TTC27: variants seen among roughly 807,000 people sequenced by gnomAD.
The protein encoded by TTC27 is tetratricopeptide repeat domain 27, also known as tetratricopeptide repeat protein 27.
A neutral mutation model predicts 115.9 loss-of-function variants in TTC27; 79 were observed. The observed-to-expected ratio is 0.68, with a 90% confidence interval of 0.57 to 0.82. TTC27 has a LOEUF of 0.82. Ranked by LOEUF, TTC27 falls within the 40% of genes least tolerant of loss-of-function variation. The pLI is 0.00. For synonymous variants in TTC27, 401 were observed against 356.0 expected (o/e 1.13, Z -1.42); for missense variants, 1,054 against 993.1 (o/e 1.06, Z -0.82).
intron 5 of TTC27, among the ~76,000 whole-genome samples, chr2:32,661,374 C>T (rs1224457040): frequency 6.6e-6 from 1 of 152,126 alleles, no homozygotes; most frequent in Non-Finnish European, 1.5e-5. Flanking sequence ...TGGCCATTTT[C>T]ACCATATTGA....
At position 32,736,677 on chromosome 2, in the gene TTC27, T is replaced by A; in HGVS notation, c.1330-17T>A. Reference sequence around the variant, plus strand: ...TTACACCAAGAAGTATTAATTATTTTTACTTGATTTTTCTAGCGCCAACTT... The same window carrying A: ...TTACACCAAGAAGTATTAATTATTTATACTTGATTTTTCTAGCGCCAACTT... On this transcript the variant is annotated splice_polypyrimidine_tract_variant and intron_variant, in intron 11 of 19. Coordinates refer to ENST00000317907, the MANE Select transcript of TTC27 (RefSeq NM_017735.5). The A allele has an allele frequency of 6.2e-7, 1 of 1,613,620 alleles. No homozygotes were observed. The highest frequency in any genetic ancestry group is 8.5e-7 in the Non-Finnish European group (1 of 1,179,732).
At chr2:32,650,723 A>C (rs1205851957) in intron 5 of TTC27, among the ~76,000 whole-genome samples, 1 of 152,208 alleles carries the variant, frequency 6.6e-6, no homozygotes, top group Non-Finnish European at 1.5e-5. Context: ...GATAGAAAAT[A>C]AGTTTCACTG....
chr2:32,731,092 T>G (rs1442509978), intron 10 of TTC27, among the ~76,000 whole-genome samples: 3 of 152,070 alleles, frequency 2.0e-5, no homozygotes, highest in Admixed American at 6.6e-5. Flanking sequence ...GTGTTTTTGT[T>G]CCTTTGTTTC....
rs115980723 is a variant in TTC27 at position 32,749,257 on chromosome 2, G to T, written c.1453-9035G>T. ...CTTAGAATTAGGTCAAATAAAGATAGTCTTGCAAGTGAGCTTTTCCAGGGA... is the reference window on the plus strand; with the variant it reads ...CTTAGAATTAGGTCAAATAAAGATATTCTTGCAAGTGAGCTTTTCCAGGGA... On this transcript the variant is annotated intron_variant, in intron 12 of 19. Transcript: ENST00000317907. Among the ~76,000 whole-genome samples, 677 of 152,270 alleles carry T rather than the reference G, an allele frequency of 4.4e-3. 6 individuals are homozygous for T. Among genetic ancestry groups the T allele is most frequent in the African/African-American group, 0.016 (648 of 41,544 alleles).
chr2:32,694,183 A>T (rs1309650270), intron 9 of TTC27, among the ~76,000 whole-genome samples: 1 of 152,242 alleles, frequency 6.6e-6, no homozygotes, highest in Non-Finnish European at 1.5e-5. Context: ...AGTATGAATT[A>T]TTGGAATAAA....
chr2:32,820,360 T>A (rs1228286626), intron 19 of TTC27, among the ~76,000 whole-genome samples: 1 of 152,250 alleles, frequency 6.6e-6, no homozygotes, highest in Non-Finnish European at 1.5e-5. Flanking sequence ...TTTGCTGGAC[T>A]TTTTTGCTAG....
chr2:32,766,244 G>A (rs1254787507), intron 13 of TTC27, among the ~76,000 whole-genome samples: 1 of 152,122 alleles, frequency 6.6e-6, no homozygotes, highest in Non-Finnish European at 1.5e-5. Context: ...GTTGTATTAT[G>A]ATCAAATCAG....
At chr2:32,770,367 G>T (rs1669785758) in intron 13 of TTC27, among the ~76,000 whole-genome samples, 1 of 152,180 alleles carries the variant, frequency 6.6e-6, no homozygotes, top group Non-Finnish European at 1.5e-5. Flanking sequence ...GATGGGGCTG[G>T]GATTTCAACC....
At chr2:32,722,739 G>A (rs540432439) in intron 10 of TTC27, among the ~76,000 whole-genome samples, 12 of 152,320 alleles carry the variant, frequency 7.9e-5, no homozygotes, top group African/African-American at 2.2e-4. Flanking sequence ...GAAGTTAATC[G>A]AGACTTTTGT....
At chr2:32,814,026 A>G (rs1671401589) in intron 18 of TTC27, among the ~76,000 whole-genome samples, 1 of 152,170 alleles carries the variant, frequency 6.6e-6, no homozygotes, top group African/African-American at 2.4e-5. Flanking sequence ...ATTGTATGAT[A>G]TTTGGGGAAA....
chr2:32,774,364 AG>A (rs1669928910), intron 13 of TTC27, among the ~76,000 whole-genome samples: 1 of 151,968 alleles, frequency 6.6e-6, no homozygotes, highest in South Asian at 2.1e-4. Flanking sequence ...TAGTAGAGAC[AG>A]GGTTTTACCA....
At chr2:32,815,223 AT>A (rs533493768) in intron 18 of TTC27, among the ~76,000 whole-genome samples, 2,100 of 55,036 alleles carry the variant, frequency 0.038, 3 homozygotes, top group Middle Eastern at 0.091. Flanking sequence ...GCTGCTTCAG[AT>A]TTTTTTTTTT....
chr2:32,799,735 A>G (rs1290614945), intron 16 of TTC27, among the ~76,000 whole-genome samples: 4 of 152,234 alleles, frequency 2.6e-5, no homozygotes, highest in African/African-American at 7.2e-5. Context: ...ATGAAATGGA[A>G]CAGAATAGAG....
chr2:32,686,375 T>C (rs1160588481), intron 9 of TTC27, among the ~76,000 whole-genome samples: 1 of 152,134 alleles, frequency 6.6e-6, no homozygotes, highest in African/African-American at 2.4e-5. Flanking sequence ...TAGTGGTTTC[T>C]TTTTTTCTGA....
intron 10 of TTC27, among the ~76,000 whole-genome samples, chr2:32,728,037 CTTTT>C (rs564322443): frequency 1.9e-5 from 2 of 105,330 alleles, no homozygotes; most frequent in Admixed American, 1.1e-4. Context: ...AGGACTGCCT[CTTTT>C]TTTTTTTTTT....
Position 32,684,922 on chromosome 2 carries a change from C to CAA in TTC27, c.1119+6013_1119+6014dup, listed in dbSNP as rs1194926166. On this transcript the variant is annotated intron_variant, in intron 9 of 19. Transcript: ENST00000317907. ...ATAAACAGAATGTCTTGACAGCAACCAAAAAAAAAAAAAAGACATTAAATA... is the reference window on the plus strand; with the variant it reads ...ATAAACAGAATGTCTTGACAGCAACCAAAAAAAAAAAAAAAAGACATTAAATA... 3.7e-3 allele frequency among the ~76,000 whole-genome samples: 367 copies of CAA among 98,680 alleles called. 5 individuals are homozygous for CAA. Among genetic ancestry groups the CAA allele is most frequent in the African/African-American group, 0.013 (343 of 26,434 alleles). The allele number at this position is 98,680 out of a possible 152,430, so 64.7% of individuals were successfully genotyped here.
At chr2:32,729,093 G>T (rs537756767) in intron 10 of TTC27, among the ~76,000 whole-genome samples, 2 of 152,192 alleles carry the variant, frequency 1.3e-5, no homozygotes, top group East Asian at 3.9e-4. Flanking sequence ...TAGATTATCA[G>T]CTAATTTCTA....
intron 16 of TTC27, among the ~76,000 whole-genome samples, chr2:32,809,844 C>T (rs868469264): frequency 9.8e-5 from 15 of 152,298 alleles, no homozygotes; most frequent in South Asian, 4.1e-4. Context: ...TTAGGCCGGG[C>T]GCAGTGGCTC....
intron 9 of TTC27, among the ~76,000 whole-genome samples, chr2:32,701,919 G>A (rs1306654749): frequency 6.6e-6 from 1 of 151,588 alleles, no homozygotes; most frequent in Non-Finnish European, 1.5e-5. Flanking sequence ...GCTGAGGTGG[G>A]AGGATTGCAT....
Sources: allele counts gnomAD v4.1 joint callset (sites outside exome capture counted in the v4.1 genomes callset), GRCh38; gene constraint gnomAD v4.1.1; transcripts MANE v1.5; gene names NCBI Gene and HGNC (gene_info 2026-07-23, HGNC 2026-07-21).